KLF17: variants seen among roughly 807,000 people sequenced by gnomAD.
KLF17 encodes Krueppel-like factor 17.
Under a neutral mutation model 34.2 loss-of-function variants are expected in KLF17, and 31 were observed. The observed-to-expected ratio is 0.91, with a 90% CI of 0.68 to 1.22. The LOEUF (loss-of-function observed/expected upper bound fraction) is 1.22. Among genes scored for constraint, KLF17 ranks in the 50% most tolerant of loss-of-function variants. KLF17 has a pLI of 0.00. For missense variants in KLF17, 478 were observed against 505.2 expected, an observed-to-expected ratio of 0.95 and a Z score of 0.52; for synonymous variants, 179 against 186.7, an observed-to-expected ratio of 0.96 and a Z score of 0.34.
intron 1 of KLF17, among the ~76,000 whole-genome samples, chr1:44,125,560 T>C (rs1156286463): frequency 6.6e-6 from 1 of 152,218 alleles, no homozygotes; most frequent in African/African-American, 2.4e-5. Flanking sequence ...CTCTGTCTCC[T>C]GGATTCAAGC....
intron 1 of KLF17, among the ~76,000 whole-genome samples, chr1:44,124,693 A>G (rs1426013404): frequency 2.0e-5 from 3 of 151,804 alleles, no homozygotes; most frequent in Admixed American, 1.3e-4. Flanking sequence ...ATGGGGTTTT[A>G]CCATGTTGGC....
chr1:44,088,318 T>G, the KLF17 span: 1 of 152,240 alleles, frequency 6.6e-6, no homozygotes, highest in African/African-American at 2.4e-5. Flanking sequence ...GGTTTTGTCA[T>G]GTTGGCTAGG....
the KLF17 span, among the ~76,000 whole-genome samples, chr1:44,096,404 CT>C: frequency 2.9e-4 from 42 of 144,372 alleles, no homozygotes; most frequent in East Asian, 3.0e-3. Flanking sequence ...ATTTATTTTT[CT>C]TTTTTTTTTT....
upstream of KLF17, among the ~76,000 whole-genome samples, chr1:44,116,564 C>T (rs543884801): frequency 1.8e-4 from 28 of 152,338 alleles, no homozygotes; most frequent in African/African-American, 6.5e-4. Flanking sequence ...TAATGTCCCA[C>T]TCCATCAACT....
At chr1:44,069,471 AGAG>A in the KLF17 span, among the ~76,000 whole-genome samples, 1 of 3,340 alleles carries the variant, frequency 3.0e-4, no homozygotes, top group Non-Finnish European at 5.6e-4. The surrounding 1 kb of genome is among the most constrained non-coding windows in gnomAD (Gnocchi z 4.7). Context: ...TTACATGGCG[AGAG>A]AGAGAGAGAG....
chr1:44,103,276 G>A, the KLF17 span: 4 of 703,468 alleles, frequency 5.7e-6, no homozygotes, highest in Non-Finnish European at 7.7e-6. Context: ...GCCGCAGGAG[G>A]GGCAGGCTGG....
At chr1:44,075,450 A>G in the KLF17 span, among the ~76,000 whole-genome samples, 1 of 152,210 alleles carries the variant, frequency 6.6e-6, no homozygotes, top group South Asian at 2.1e-4. Flanking sequence ...TTGACTTATA[A>G]GAAAGAATGC....
chr1:44,083,185 C>A, the KLF17 span, among the ~76,000 whole-genome samples: 2 of 151,838 alleles, frequency 1.3e-5, no homozygotes, highest in East Asian at 3.9e-4. Context: ...TGGGCTCAAG[C>A]AAGCCTTCTG....
At chr1:44,099,861 G>GAAAGAAAA in the KLF17 span, among the ~76,000 whole-genome samples, 1 of 100,802 alleles carries the variant, frequency 9.9e-6, no homozygotes, top group African/African-American at 4.0e-5. Context: ...AAGAAAGAAA[G>GAAAGAAAA]AAAGAAAGAA....
At chr1:44,110,224 G>A in the KLF17 span, among the ~76,000 whole-genome samples, 1 of 151,986 alleles carries the variant, frequency 6.6e-6, no homozygotes, top group Non-Finnish European at 1.5e-5. Flanking sequence ...TCTTAAAATG[G>A]CAATGATGAA....
At chr1:44,067,701 G>A in the KLF17 span, among the ~76,000 whole-genome samples, 1 of 152,176 alleles carries the variant, frequency 6.6e-6, no homozygotes, top group Non-Finnish European at 1.5e-5. Flanking sequence ...ATTTGGTTGA[G>A]AATATGTGAT....
At chr1:44,105,677 A>C in the KLF17 span, among the ~76,000 whole-genome samples, 1 of 152,014 alleles carries the variant, frequency 6.6e-6, no homozygotes, top group Non-Finnish European at 1.5e-5. Flanking sequence ...TTTTCTTTTT[A>C]ATTTTTTTCT....
the KLF17 span, among the ~76,000 whole-genome samples, chr1:44,111,328 G>T: frequency 5.3e-5 from 8 of 151,952 alleles, no homozygotes; most frequent in African/African-American, 1.9e-4. Context: ...TCTCAAATTA[G>T]GTATCTATCA....
the KLF17 span, among the ~76,000 whole-genome samples, chr1:44,067,601 T>C: frequency 2.0e-5 from 3 of 152,188 alleles, no homozygotes; most frequent in African/African-American, 4.8e-5. Flanking sequence ...GAGCATAAAT[T>C]ATACCACAGA....
the KLF17 span, among the ~76,000 whole-genome samples, chr1:44,069,052 T>C: frequency 6.6e-6 from 1 of 151,946 alleles, no homozygotes; most frequent in Non-Finnish European, 1.5e-5. This position sits in a 1 kb window ranked among gnomAD's most constrained non-coding sequence, Gnocchi z 4.7. Context: ...CACAGAAATG[T>C]GTATTTTATT....
chr1:44,119,770 G>C (rs2087926024), intron 1 of KLF17, among the ~76,000 whole-genome samples: 1 of 152,188 alleles, frequency 6.6e-6, no homozygotes, highest in African/African-American at 2.4e-5. Context: ...GGTGGCCCCA[G>C]GGACACCATT....
At chr1:44,121,630 T>C (rs541870271) in intron 1 of KLF17, among the ~76,000 whole-genome samples, 1 of 152,352 alleles carries the variant, frequency 6.6e-6, no homozygotes, top group African/African-American at 2.4e-5. Flanking sequence ...TTATAGAATG[T>C]TCCTTTCCGA....
rs150691611 is a variant in KLF17, at chr1:44,128,934, C to T, written c.82-419C>T. ...GGCTGAGGCAGGAGAATCACTTGAACCCGGGAGACAGAGGTCGTGGTGAGC... is the reference window on the plus strand; with the variant it reads ...GGCTGAGGCAGGAGAATCACTTGAATCCGGGAGACAGAGGTCGTGGTGAGC... On this transcript the variant is annotated intron_variant, in intron 1 of 3. Transcript: ENST00000372299. Among the ~76,000 whole-genome samples the T allele has an allele frequency of 1.4e-3, 217 of 152,142 alleles. 3 individuals are homozygous for T. Among genetic ancestry groups the T allele is most frequent in the African/African-American group, 5.0e-3 (207 of 41,508 alleles).
the KLF17 span, among the ~76,000 whole-genome samples, chr1:44,113,325 T>C: frequency 6.6e-6 from 1 of 152,146 alleles, no homozygotes; most frequent in Non-Finnish European, 1.5e-5. Context: ...CAGAACAGAA[T>C]GTACATATGT....
Sources: gnomAD v4.1 joint callset for allele counts (sites outside exome capture counted in the v4.1 genomes callset) on GRCh38, gnomAD v4.1.1 for gene constraint, Gnocchi (gnomAD v3.1) non-coding constraint, MANE v1.5 for transcripts, NCBI Gene and HGNC (gene_info 2026-07-23, HGNC 2026-07-21) for gene names.